Variants in AFF1 observed in about 807,000 individuals in gnomAD.
The protein encoded by AFF1 is ALF transcription elongation factor 1, also known as AF4/FMR2 family member 1.
A neutral mutation model predicts 121.7 loss-of-function variants in AFF1; 48 were observed. The ratio of observed to expected loss-of-function variants is 0.39; its 90% CI spans 0.31 to 0.50. AFF1 has a LOEUF of 0.50. Among genes scored for constraint, AFF1 ranks in the 20% least tolerant of loss-of-function variants. AFF1 has a pLI of 0.76. For synonymous variants in AFF1, 613 were observed against 563.0 expected, an observed-to-expected ratio of 1.09 and a Z score of -1.26; for missense variants, 1,523 against 1,511.7, an observed-to-expected ratio of 1.01 and a Z score of -0.12.
intron 14 of AFF1, among the ~76,000 whole-genome samples, chr4:87,126,816 A>G (rs896378652): frequency 4.6e-5 from 7 of 152,186 alleles, no homozygotes; most frequent in African/African-American, 1.7e-4. Context: ...TCTCTTGGAC[A>G]TTCTAGTCTT....
chr4:86,952,811 G>A (rs979809869), intron 2 of AFF1, among the ~76,000 whole-genome samples: 12 of 150,722 alleles, frequency 8.0e-5, no homozygotes, highest in African/African-American at 2.9e-4. Context: ...CTCCTGAGTA[G>A]CTGGCACTAC....
At position 87,046,179 on chromosome 4, in the gene AFF1, G is replaced by A. The variant is rs767123281; in HGVS notation, c.52G>A (p.Asp18Asn). 2.2e-5 allele frequency: 36 copies of A among 1,612,904 alleles called. No homozygotes were observed. Among genetic ancestry groups the A allele is most frequent in the South Asian group, 1.1e-4 (10 of 90,996 alleles). The change falls in exon 3 of 21, where the codon GAC becomes AAC. Residue 18 changes from aspartate (D) to asparagine (N), a missense_variant. This residue lies in a region of AFF1 where 369 missense variants were observed against 367.2 expected (regional missense o/e 1.00). Coordinates refer to ENST00000395146, the MANE Select transcript of AFF1 (RefSeq NM_001166693.3). ...CATCTGAAACAGTTTGTACAATGAC[G>A]ACAGAAACCTGCTTCGAATTAGAGA... ...NSSGNSLYND[D>N]RNLLRIREKE...
rs541231756 is a variant in AFF1 at position 87,023,028 on chromosome 4, G to A, written c.39-23138G>A. On this transcript the variant is annotated intron_variant, in intron 2 of 20. Transcript: ENST00000395146. ...AGTGATCCTCTTGCCTCACCCTCCC[G>A]AGTAGCTGGGACTACAGGCAGGCAC... Among the ~76,000 whole-genome samples, 16 of 151,322 alleles carry A rather than the reference G, an allele frequency of 1.1e-4. No homozygotes were observed. The South Asian group carries it at 3.3e-3, about 31-fold the overall frequency.
intron 2 of AFF1, among the ~76,000 whole-genome samples, chr4:86,996,314 C>A (rs1450254443): frequency 1.3e-5 from 2 of 152,044 alleles, no homozygotes; most frequent in Non-Finnish European, 2.9e-5. Flanking sequence ...ATTGAGAAAT[C>A]GGATGGTTGC....
At chr4:87,132,525 G>T in intron 19 of AFF1, 117 bp downstream of exon 19, 1 of 989,262 alleles carries the variant, frequency 1.0e-6, no homozygotes, top group South Asian at 2.3e-5. Context: ...AAAAATTGTT[G>T]GCTTCATCTG....
At chr4:87,040,819 C>A (rs1730061335) in intron 2 of AFF1, among the ~76,000 whole-genome samples, 1 of 150,942 alleles carries the variant, frequency 6.6e-6, no homozygotes, top group Admixed American at 6.6e-5. Context: ...GCGATCCACC[C>A]TCCTCAGCCC....
chr4:87,097,082 A>G (rs1242763618), intron 8 of AFF1, among the ~76,000 whole-genome samples: 1 of 152,200 alleles, frequency 6.6e-6, no homozygotes, highest in Non-Finnish European at 1.5e-5. Flanking sequence ...TAATCTCCCC[A>G]GGGTTTTACA....
intron 1 of AFF1, among the ~76,000 whole-genome samples, chr4:86,941,660 A>G (rs567018580): frequency 6.5e-4 from 99 of 151,824 alleles, no homozygotes; most frequent in African/African-American, 2.2e-3. Context: ...TCATAAATAA[A>G]TAAATAAATA....
At chr4:86,987,815 T>C (rs191734771) in intron 2 of AFF1, among the ~76,000 whole-genome samples, 72 of 152,078 alleles carry the variant, frequency 4.7e-4, no homozygotes, top group South Asian at 4.0e-3. Context: ...TAGCTGGGCA[T>C]GGTGGCACAC....
chr4:87,092,527 C>T (rs145699681), intron 7 of AFF1, among the ~76,000 whole-genome samples: 1,749 of 152,028 alleles, frequency 0.012, 42 homozygotes, highest in African/African-American at 0.039. Flanking sequence ...ATTTGTTTGC[C>T]ATGTAATTCT....
At chr4:87,004,448 C>G (rs1725942128) in intron 2 of AFF1, among the ~76,000 whole-genome samples, 1 of 151,958 alleles carries the variant, frequency 6.6e-6, no homozygotes, top group Non-Finnish European at 1.5e-5. Context: ...TTTTATAAAA[C>G]CAATTTTCCA....
chr4:87,022,331 CAG>C (rs1006689365), intron 2 of AFF1, among the ~76,000 whole-genome samples: 9 of 150,776 alleles, frequency 6.0e-5, no homozygotes, highest in Non-Finnish European at 1.0e-4. Context: ...AGGTAGTTAA[CAG>C]AGATATTAAC....
intron 2 of AFF1, among the ~76,000 whole-genome samples, chr4:87,043,798 A>C (rs1277080367): frequency 6.6e-6 from 1 of 150,990 alleles, no homozygotes; most frequent in Non-Finnish European, 1.5e-5. Context: ...CACAGGTCTA[A>C]GAAGATAATT....
At position 87,114,819 on chromosome 4, in the gene AFF1, A is replaced by G. The variant is rs773538304; in HGVS notation, c.1986A>G (p.Ala662=). 6.2e-7 allele frequency: 1 copy of G among 1,613,738 alleles called. No homozygotes were observed. Among genetic ancestry groups the G allele is most frequent in the East Asian group, 2.2e-5 (1 of 44,848 alleles). The part of the protein sequence containing the change: ...VKTKGRPRAA[A]SNEPKPAVPP... ...CGAAAGGACGGCCCCGGGCCGCAGC[A>G]AGCAACGAACCCAAGCCAGCAGTGC... is the stretch of plus-strand genomic sequence containing the variant. Residue 662 remains alanine, a synonymous_variant, in exon 12 of 21, where the codon GCA becomes GCG. Coordinates refer to ENST00000395146, the MANE Select transcript of AFF1 (RefSeq NM_001166693.3).
intron 2 of AFF1, among the ~76,000 whole-genome samples, chr4:87,013,110 C>G (rs1659794576): frequency 7.3e-6 from 1 of 136,414 alleles, no homozygotes; most frequent in South Asian, 2.4e-4. Flanking sequence ...ATGGTGCGAT[C>G]TCGGCTCACA....
At position 87,126,330 on chromosome 4, in the gene AFF1, G is replaced by A; in HGVS notation, c.2805G>A (p.Glu935=). 1.2e-6 allele frequency: 2 copies of A among 1,614,026 alleles called. No individual in the cohort carries two copies. Among genetic ancestry groups the A allele is most frequent in the Non-Finnish European group, 1.7e-6 (2 of 1,179,898 alleles). Residue 935 remains glutamate (E), a synonymous_variant, in exon 14 of 21, where the codon GAG becomes GAA. Transcript: ENST00000395146. ...VEGKGSRSSS[E]HKGSSGDTAN... ...GGAAGGGCTCCAGAAGCTCCTCGGA[G>A]CACAAGGTGAGCAGGGGCGGCGGTC...
chr4:87,068,407 A>G (rs970285611), intron 4 of AFF1, among the ~76,000 whole-genome samples: 1 of 152,214 alleles, frequency 6.6e-6, no homozygotes, highest in African/African-American at 2.4e-5. Flanking sequence ...GCAGGTTTTA[A>G]TAGGAACTCC....
intron 2 of AFF1, among the ~76,000 whole-genome samples, chr4:86,966,522 C>G (rs1722550206): frequency 6.6e-6 from 1 of 151,924 alleles, no homozygotes; most frequent in South Asian, 2.1e-4. Flanking sequence ...CAGGAAAGCA[C>G]TGTAGCTCCC....
intron 2 of AFF1, among the ~76,000 whole-genome samples, chr4:87,027,683 TA>T (rs945420255): frequency 1.3e-5 from 2 of 151,904 alleles, no homozygotes; most frequent in Admixed American, 6.6e-5. Flanking sequence ...AATTTCACAG[TA>T]AAAAGCCTTA....
Sources: gnomAD v4.1 joint callset for allele counts (sites outside exome capture counted in the v4.1 genomes callset) on GRCh38, gnomAD v4.1.1 for gene constraint, gnomAD v4.1.1 regional missense constraint, MANE v1.5 for transcripts, NCBI Gene and HGNC (gene_info 2026-07-23, HGNC 2026-07-21) for gene names.